Variants in TSPOAP1 observed in about 807,000 individuals in gnomAD.
TSPOAP1 encodes peripheral-type benzodiazepine receptor-associated protein 1.
A neutral mutation model predicts 197.0 loss-of-function variants in TSPOAP1; 87 were observed. That is an observed-to-expected ratio of 0.44 (90% confidence interval 0.37 to 0.53). The LOEUF (loss-of-function observed/expected upper bound fraction) is 0.53, where lower values mean the gene tolerates loss of function less well. Ranked by LOEUF, TSPOAP1 falls within the 20% of genes least tolerant of loss-of-function variation. TSPOAP1 has a pLI of 0.00. For missense variants in TSPOAP1, 2,174 were observed against 2,411.3 expected (o/e 0.90, Z 2.06); for synonymous variants, 913 against 998.9 (o/e 0.91, Z 1.62).
In TSPOAP1 at chr17:58,324,981, C is replaced by CT; in HGVS notation, c.771_772insA (p.Val258SerfsTer109). 2.0e-6 allele frequency: 3 copies of CT among 1,537,038 alleles called. No homozygotes were observed. Among genetic ancestry groups the CT allele is most frequent in the Non-Finnish European group, 2.6e-6 (3 of 1,142,658 alleles). ...CGCAGCAGCCGATCGAAGTCCCGCA[C>CT]GTGGAGCCACTGGGGACCCTCCTGA... On this transcript the variant is annotated frameshift_variant, in exon 5 of 32. Transcript: ENST00000343736. LOFTEE classifies it high-confidence loss of function. The surrounding 1 kb of genome is among the most constrained non-coding windows in gnomAD (Gnocchi z 5.8).
Position 58,308,690 on chromosome 17 carries a change from A to G in TSPOAP1, c.4582T>C (p.Trp1528Arg), listed in dbSNP as rs747758850. ...SSCYPGDGEA[W>R]GTATVGRPRG... Reference sequence around the variant, plus strand: ...GGCCTTCCTACAGTTGCTGTGCCCCAGGCCTCCCCATCTCCAGGGTAGCAG... The same window carrying G: ...GGCCTTCCTACAGTTGCTGTGCCCCGGGCCTCCCCATCTCCAGGGTAGCAG... The change falls in exon 22 of 32, where the codon TGG becomes CGG. Residue 1528 changes from tryptophan to arginine, a missense_variant. Transcript: ENST00000343736. 1.2e-6 allele frequency: 2 copies of G among 1,612,784 alleles called. No individual in the cohort carries two copies. The highest frequency in any genetic ancestry group is 2.7e-5 in the African/African-American group (2 of 74,938).
rs961713959 is a variant in TSPOAP1, at chr17:58,309,774, C to T, written c.3891+193G>A. Among the ~76,000 whole-genome samples the T allele has an allele frequency of 3.9e-5, 6 of 152,192 alleles. No homozygotes were observed. The highest frequency in any genetic ancestry group is 1.4e-4 in the African/African-American group (6 of 41,452). On this transcript the variant is annotated intron_variant, in intron 21 of 31. Coordinates refer to ENST00000343736, the MANE Select transcript of TSPOAP1 (RefSeq NM_004758.4). This position sits in a 1 kb window ranked among gnomAD's most constrained non-coding sequence, Gnocchi z 5.0. Reference sequence around the variant, plus strand: ...GAGAAGGTACAGAAATGAACTCCTCCCCTTCCCCTTTCTTTCCAGGAGGGC... The same window carrying T: ...GAGAAGGTACAGAAATGAACTCCTCTCCTTCCCCTTTCTTTCCAGGAGGGC...
At position 58,319,263 on chromosome 17, in the gene TSPOAP1, C is replaced by T. The variant is rs561305871; in HGVS notation, c.1526G>A (p.Arg509His). 45 of 1,595,466 alleles carry T rather than the reference C, an allele frequency of 2.8e-5. No homozygotes were observed. The highest frequency in any genetic ancestry group is 1.8e-4 in the East Asian group (8 of 43,602). ...ARVRELEEQC[R>H]SQTEQFSLLA... ...GAGGCTGAACTGCTCGGTTTGGCTGCGGCACTGTTCTTCGAGCTCTCGAAC... is the reference window on the plus strand; with the variant it reads ...GAGGCTGAACTGCTCGGTTTGGCTGTGGCACTGTTCTTCGAGCTCTCGAAC... Residue 509 changes from arginine (R) to histidine (H), a missense_variant, in exon 13 of 32, where the codon CGC (arginine) becomes CAC (histidine). Around this residue, in one of 5 missense-constraint regions of TSPOAP1, gnomAD observed 1,933 missense variants for 2,139.0 expected, o/e 0.90. Coordinates refer to ENST00000343736, the MANE Select transcript of TSPOAP1 (RefSeq NM_004758.4).
Position 58,324,937 on chromosome 17 carries a change from C to T in TSPOAP1, c.816G>A (p.Val272=). The T allele has an allele frequency of 1.9e-6, 3 of 1,539,810 alleles. No homozygotes were observed. The highest frequency in any genetic ancestry group is 1.2e-5 in the South Asian group (1 of 83,846). The change falls in exon 5 of 32, where the codon GTG becomes GTA. Residue 272 remains valine (V), a synonymous_variant. Transcript: ENST00000343736. This position sits in a 1 kb window ranked among gnomAD's most constrained non-coding sequence, Gnocchi z 5.8. ...GCGCGATCTGCCTCTGCAGCCGCAG[C>T]ACCTCCCGCTGGGACTCGCGCAGCA... The part of the protein sequence containing the change: ...DRLLRESQRE[V]LRLQRQIALR...
At chr17:58,311,474 G>T (rs1598063207) in intron 18 of TSPOAP1, 97 bp downstream of exon 18, 2 of 1,483,018 alleles carry the variant, frequency 1.3e-6, no homozygotes, top group Non-Finnish European at 1.8e-6. Flanking sequence ...AATGCCAGGG[G>T]CTGGGCATCT....
In TSPOAP1 at chr17:58,312,321, C is replaced by A; in HGVS notation, c.2500G>T (p.Ala834Ser). The A allele has an allele frequency of 1.2e-6, 2 of 1,612,824 alleles. No homozygotes were observed. The highest frequency in any genetic ancestry group is 1.3e-5 in the African/African-American group (1 of 75,064). The change falls in exon 17 of 32, where the codon GCC (alanine) becomes TCC (serine). Residue 834 changes from alanine (A) to serine (S), a missense_variant. Around this residue, in one of 5 missense-constraint regions of TSPOAP1, gnomAD observed 1,933 missense variants for 2,139.0 expected, o/e 0.90. Coordinates refer to ENST00000343736, the MANE Select transcript of TSPOAP1 (RefSeq NM_004758.4). Reference sequence around the variant, plus strand: ...TTGGGTGGCGCCCCAGGCCCCAGGGCCTGTCGCAGCTCCCCATTCACACAG... The same window carrying A: ...TTGGGTGGCGCCCCAGGCCCCAGGGACTGTCGCAGCTCCCCATTCACACAG... ...HICVNGELRQALGPGAPPKAV... is the reference protein window; with the variant it reads ...HICVNGELRQSLGPGAPPKAV...
Position 58,319,266 on chromosome 17 carries a change from C to T in TSPOAP1, c.1523G>A (p.Cys508Tyr). 7 of 1,594,038 alleles carry T rather than the reference C, an allele frequency of 4.4e-6. No individual in the cohort carries two copies. Among genetic ancestry groups the T allele is most frequent in the Non-Finnish European group, 6.0e-6 (7 of 1,170,422 alleles). Residue 508 changes from cysteine to tyrosine, a missense_variant, in exon 13 of 32, where the codon TGC becomes TAC. Coordinates refer to ENST00000343736, the MANE Select transcript of TSPOAP1 (RefSeq NM_004758.4). ...GCTGAACTGCTCGGTTTGGCTGCGGCACTGTTCTTCGAGCTCTCGAACCCG... is the reference window on the plus strand; with the variant it reads ...GCTGAACTGCTCGGTTTGGCTGCGGTACTGTTCTTCGAGCTCTCGAACCCG... ...QARVRELEEQ[C>Y]RSQTEQFSLL...
At position 58,309,966 on chromosome 17, in the gene TSPOAP1, C is replaced by T. The variant is rs1396466897; in HGVS notation, c.3891+1G>A. The T allele has an allele frequency of 6.2e-7, 1 of 1,609,690 alleles. No homozygotes were observed. The highest frequency in any genetic ancestry group is 8.5e-7 in the Non-Finnish European group (1 of 1,177,718). ...CCAACAGCCCATCCCTACCCCGTTA[C>T]CTTGGCCCCATTCTCCCTGATGCTG... is the stretch of plus-strand genomic sequence containing the variant. On this transcript the variant is annotated splice_donor_variant, in intron 21 of 31. Transcript: ENST00000343736. LOFTEE classifies it high-confidence loss of function. This position sits in a 1 kb window ranked among gnomAD's most constrained non-coding sequence, Gnocchi z 5.0.
intron 16 of TSPOAP1, among the ~76,000 whole-genome samples, chr17:58,315,318 G>A (rs1188335002): frequency 6.6e-5 from 10 of 152,254 alleles, no homozygotes; most frequent in East Asian, 1.9e-4. Context: ...TGCGGCTCTC[G>A]CCCTGCCCTG....
rs573034081 is a variant in TSPOAP1 at position 58,319,107 on chromosome 17, C to T, written c.1682G>A (p.Arg561Gln). The change falls in exon 13 of 32, where the codon CGG becomes CAG. Residue 561 changes from arginine (R) to glutamine (Q), a missense_variant. This residue lies in a region of TSPOAP1 where 1,933 missense variants were observed against 2,139.0 expected (regional missense o/e 0.90). Coordinates refer to ENST00000343736, the MANE Select transcript of TSPOAP1 (RefSeq NM_004758.4). Reference protein sequence around the residue: ...PCCCSIPQPCRGSGPKDLDLP... With the variant: ...PCCCSIPQPCQGSGPKDLDLP... ...CACCTTACCTTTGGGGCCAGACCCC[C>T]GGCAAGGCTGGGGAATGGAGCAGCA... 91 of 1,537,660 alleles carry T rather than the reference C, an allele frequency of 5.9e-5. No individual in the cohort carries two copies. Among genetic ancestry groups the T allele is most frequent in the African/African-American group, 2.7e-4 (20 of 72,886 alleles).
intron 13 of TSPOAP1, 144 bp downstream of exon 13, chr17:58,318,946 A>G: frequency 1.0e-6 from 1 of 957,360 alleles, no homozygotes; most frequent in Non-Finnish European, 1.5e-6. Context: ...TTTCCCCAAC[A>G]GAACGTGGTT....
chr17:58,312,112 C>A lies in TSPOAP1; in HGVS notation c.2709G>T (p.Val903=), dbSNP rs754977028. 25 of 1,613,350 alleles carry A rather than the reference C, an allele frequency of 1.5e-5. No homozygotes were observed. In the East Asian group the frequency reaches 4.5e-4, roughly 29 times the overall value. Residue 903 remains valine (V), a synonymous_variant, in exon 17 of 32, where the codon GTG becomes GTT. Coordinates refer to ENST00000343736, the MANE Select transcript of TSPOAP1 (RefSeq NM_004758.4). ...LTATSAEITW[V]PGNSNLAHAI... ...CATGGGCCAAGTTGCTATTGCCGGG[C>A]ACCCAGGTGATCTCAGCAGATGTGG...
rs561173190 is a variant in TSPOAP1, at chr17:58,302,336, T to C, written c.*144A>G. On this transcript the variant is annotated 3_prime_UTR_variant, in exon 32 of 32. Coordinates refer to ENST00000343736, the MANE Select transcript of TSPOAP1 (RefSeq NM_004758.4). Reference sequence around the variant, plus strand: ...CCCTTGGAGAAGAAACCCCACACCTTCTCGCTTCTGCCCTGGGGCTCCCCA... The same window carrying C: ...CCCTTGGAGAAGAAACCCCACACCTCCTCGCTTCTGCCCTGGGGCTCCCCA... 5.1e-4 allele frequency: 654 copies of C among 1,289,410 alleles called. 3 individuals are homozygous for C. The highest frequency in any genetic ancestry group is 6.2e-4 in the Admixed American group (27 of 43,522). The allele number at this position is 1,289,410 out of a possible 1,614,324, so 79.9% of individuals were successfully genotyped here. A position where few individuals can be genotyped will look rare whatever the true frequency, so the allele number is the denominator to read the frequency against.
chr17:58,319,131 C>A lies in TSPOAP1; in HGVS notation c.1658G>T (p.Cys553Phe). The change falls in exon 13 of 32, where the codon TGC becomes TTC. Residue 553 changes from cysteine to phenylalanine, a missense_variant. By Grantham distance (205) the Cys-to-Phe change is radical. This residue lies in a region of TSPOAP1 where 1,933 missense variants were observed against 2,139.0 expected (regional missense o/e 0.90). Coordinates refer to ENST00000343736, the MANE Select transcript of TSPOAP1 (RefSeq NM_004758.4). ...SLGDCPPPPC[C>F]CSIPQPCRGS... ...CCGGCAAGGCTGGGGAATGGAGCAG[C>A]AGCAGGGGGGTGGTGGGCAGTCTCC... 2 of 1,548,480 alleles carry A rather than the reference C, an allele frequency of 1.3e-6. No homozygotes were observed. Among genetic ancestry groups the A allele is most frequent in the East Asian group, 4.9e-5 (2 of 40,860 alleles).
rs1334269614 is a variant in TSPOAP1, at chr17:58,304,836, G to C, written c.5544+225C>G. ...TTGGCAGCTGGCGAGATGGCCTGAG[G>C]GTCAGGGTCACAGCTATCATCCCTC... is the stretch of plus-strand genomic sequence containing the variant. On this transcript the variant is annotated intron_variant, in intron 30 of 31. Coordinates refer to ENST00000343736, the MANE Select transcript of TSPOAP1 (RefSeq NM_004758.4). The surrounding 1 kb of genome is among the most constrained non-coding windows in gnomAD (Gnocchi z 4.2). The C allele has an allele frequency of 3.1e-6, 2 of 652,180 alleles. No individual in the cohort carries two copies. The highest frequency in any genetic ancestry group is 1.8e-5 in the African/African-American group (1 of 56,506). The allele number at this position is 652,180 out of a possible 1,614,324, so 40.4% of individuals were successfully genotyped here. A position where few individuals can be genotyped will look rare whatever the true frequency, so the allele number is the denominator to read the frequency against.
rs527953790 is a variant in TSPOAP1 at position 58,308,856 on chromosome 17, A to G, written c.4416T>C (p.Pro1472=). The G allele has an allele frequency of 4.3e-4, 698 of 1,609,020 alleles. 11 individuals are homozygous for G. In the South Asian group the frequency reaches 5.6e-3, roughly 13 times the overall value. The change falls in exon 22 of 32, where the codon CCT becomes CCC. Residue 1472 remains proline (P), a synonymous_variant. Coordinates refer to ENST00000343736, the MANE Select transcript of TSPOAP1 (RefSeq NM_004758.4). ...LEASGRGRLG[P]SRRCSRGRAL... is the part of the protein sequence containing the mutation. ...CCCGGCCACGGGAGCACCTCCGGGA[A>G]GGGCCCAGCCGGCCTCTCCCGCTAG...
In TSPOAP1 at chr17:58,315,661, C is replaced by T. The variant is rs765052986; in HGVS notation, c.2098+362G>A. 5.3e-5 allele frequency among the ~76,000 whole-genome samples: 8 copies of T among 152,322 alleles called. No homozygotes were observed. In the East Asian group the frequency reaches 7.7e-4, roughly 15 times the overall value. On this transcript the variant is annotated intron_variant, in intron 16 of 31. Coordinates refer to ENST00000343736, the MANE Select transcript of TSPOAP1 (RefSeq NM_004758.4). The stretch of plus-strand genomic sequence containing the variant: ...TCCAGCATCAAATCTGTGCTGCATA[C>T]CTGACCTCAGGTGTCACTACTGTGA...
chr17:58,302,325 AC>A lies in TSPOAP1; in HGVS notation c.*154del. The A allele has an allele frequency of 7.8e-7, 1 of 1,289,394 alleles. No homozygotes were observed. The highest frequency in any genetic ancestry group is 1.0e-6 in the Non-Finnish European group (1 of 988,738). The allele number at this position is 1,289,394 out of a possible 1,614,324, so 79.9% of individuals were successfully genotyped here. The stretch of plus-strand genomic sequence containing the variant: ...GGAGCTGCTTCCCCTTGGAGAAGAA[AC>A]CCCACACCTTCTCGCTTCTGCCCTG... On this transcript the variant is annotated 3_prime_UTR_variant, in exon 32 of 32. Transcript: ENST00000343736.
chr17:58,317,849 A>T (rs1971285893), intron 14 of TSPOAP1, among the ~76,000 whole-genome samples: 1 of 152,246 alleles, frequency 6.6e-6, no homozygotes, highest in African/African-American at 2.4e-5. Flanking sequence ...CAAGATTCAG[A>T]TAAGGAAACA....
Sources: gnomAD v4.1 joint callset for allele counts (sites outside exome capture counted in the v4.1 genomes callset) on GRCh38, gnomAD v4.1.1 for gene constraint, gnomAD v4.1.1 regional missense constraint, Gnocchi (gnomAD v3.1) non-coding constraint, MANE v1.5 for transcripts, NCBI Gene and HGNC (gene_info 2026-07-23, HGNC 2026-07-21) for gene names.